The following CCDC138 variants were observed in gnomAD, a reference collection of about 807,000 sequenced individuals.
CCDC138 encodes the protein coiled-coil domain containing 138, also known as coiled-coil domain-containing protein 138.
CCDC138 carries 66 observed loss-of-function variants against 82.3 expected under a neutral mutation model. The ratio of observed to expected loss-of-function variants is 0.80; its 90% CI spans 0.66 to 0.98. The LOEUF is 0.98. Among genes scored for constraint, CCDC138 ranks in the 50% least tolerant of loss-of-function variants. CCDC138 has a pLI of 0.00. For synonymous variants in CCDC138, 297 were observed against 265.4 expected (o/e 1.12, Z -1.16); for missense variants, 816 against 758.9 (o/e 1.08, Z -0.88).
At chr2:108,846,050 A>G (rs1057497512) in intron 11 of CCDC138, among the ~76,000 whole-genome samples, 5 of 152,056 alleles carry the variant, frequency 3.3e-5, no homozygotes, top group African/African-American at 9.7e-5. Context: ...TGGAGTCACT[A>G]TGACTTTTTA....
intron 13 of CCDC138, among the ~76,000 whole-genome samples, chr2:108,864,801 A>AC (rs1277703477): frequency 6.6e-6 from 1 of 151,488 alleles, no homozygotes; most frequent in Non-Finnish European, 1.5e-5. Flanking sequence ...CTCAAAAAAA[A>AC]AAAAAAAAAA....
intron 13 of CCDC138, among the ~76,000 whole-genome samples, chr2:108,858,912 A>C (rs4011974): frequency 0.79 from 119,595 of 152,030 alleles, 47,832 homozygotes; most frequent in East Asian, 0.92. Flanking sequence ...TCTTTATCTG[A>C]TCCACCACTG....
chr2:108,878,191 T>C (rs1324081563), downstream of CCDC138: 1 of 152,116 alleles, frequency 6.6e-6, no homozygotes, highest in African/African-American at 2.4e-5. Context: ...ATTATAACTG[T>C]TTATAAGATG....
At chr2:108,851,006 G>C (rs886229095) in intron 12 of CCDC138, among the ~76,000 whole-genome samples, 1 of 152,186 alleles carries the variant, frequency 6.6e-6, no homozygotes, top group Non-Finnish European at 1.5e-5. Flanking sequence ...CACACCAGTT[G>C]CAAGTCCGGC....
At chr2:108,877,270 C>T (rs1284227938), downstream of CCDC138, among the ~76,000 whole-genome samples, 2 of 150,606 alleles carry the variant, frequency 1.3e-5, no homozygotes, top group East Asian at 4.0e-4. Flanking sequence ...GAGTTCAAGA[C>T]CAGCCTTGCC....
Position 108,786,808 on chromosome 2 carries a change from C to A in CCDC138, c.-15C>A, listed in dbSNP as rs780012510. The A allele has an allele frequency of 6.3e-7, 1 of 1,577,806 alleles. No individual in the cohort carries two copies. Among genetic ancestry groups the A allele is most frequent in the Non-Finnish European group, 8.6e-7 (1 of 1,161,792 alleles). ...AACGCGGTTCCCGGGGAGACTGGTA[C>A]GGTTGCTGTGTGCTATGGAGCCGAG... On this transcript the variant is annotated 5_prime_UTR_variant, in exon 1 of 15. Transcript: ENST00000295124.
At chr2:108,854,035 A>ATT (rs1558738601) in intron 12 of CCDC138, among the ~76,000 whole-genome samples, 2 of 108,710 alleles carry the variant, frequency 1.8e-5, no homozygotes, top group African/African-American at 8.2e-5. Flanking sequence ...TATATTATAT[A>ATT]TAATATATAA....
chr2:108,853,810 G>T (rs1276415228), intron 12 of CCDC138, among the ~76,000 whole-genome samples: 1 of 139,100 alleles, frequency 7.2e-6, no homozygotes, highest in African/African-American at 2.7e-5. Flanking sequence ...ACAGGCACCA[G>T]CCATCCCCAG....
chr2:108,817,446 C>A (rs1684980735), intron 10 of CCDC138, among the ~76,000 whole-genome samples: 1 of 152,064 alleles, frequency 6.6e-6, no homozygotes, highest in African/African-American at 2.4e-5. Flanking sequence ...GTGTGTGCCA[C>A]CACGCCCAGC....
chr2:108,873,650 C>G (rs569795975), intron 14 of CCDC138, 61 bp downstream of exon 14: 1 of 1,190,366 alleles, frequency 8.4e-7, no homozygotes, highest in South Asian at 1.5e-5. Context: ...ATCATTTAAA[C>G]CAGGGGTTTT....
chr2:108,792,619 G>C (rs760529029), intron 4 of CCDC138, among the ~76,000 whole-genome samples: 1 of 152,194 alleles, frequency 6.6e-6, no homozygotes, highest in Non-Finnish European at 1.5e-5. Flanking sequence ...GGCATTTGCT[G>C]AACTGAGTGA....
At position 108,816,087 on chromosome 2, in the gene CCDC138, T is replaced by C; in HGVS notation, c.1188T>C (p.Ile396=). The part of the protein sequence containing the change: ...QLKFASQRND[I]QEKCVKLLPL... ...AATTTGCTTCCCAGAGAAATGATAT[T>C]CAGGAGAAGTGTGTAAAGGTTTGTT... The change falls in exon 10 of 15, where the codon ATT becomes ATC. Residue 396 remains isoleucine, a synonymous_variant. Coordinates refer to ENST00000295124, the MANE Select transcript of CCDC138 (RefSeq NM_144978.3). 6.2e-7 allele frequency: 1 copy of C among 1,610,208 alleles called. No individual in the cohort carries two copies. Among genetic ancestry groups the C allele is most frequent in the Non-Finnish European group, 8.5e-7 (1 of 1,177,614 alleles).
chr2:108,884,310 A>G (rs1696372102), intron 2 of CCDC138: 1 of 152,206 alleles, frequency 6.6e-6, no homozygotes. Flanking sequence ...ATGTCAAAGA[A>G]AACAGGTAGA....
At chr2:108,864,070 T>TA (rs1299704760) in intron 13 of CCDC138, among the ~76,000 whole-genome samples, 1 of 152,186 alleles carries the variant, frequency 6.6e-6, no homozygotes, top group Non-Finnish European at 1.5e-5. Flanking sequence ...GATGATGTGT[T>TA]ACACTAGTGT....
intron 9 of CCDC138, among the ~76,000 whole-genome samples, chr2:108,815,276 A>T (rs1256968871): frequency 6.6e-6 from 1 of 152,050 alleles, no homozygotes; most frequent in East Asian, 1.9e-4. Context: ...GTGGTGATTC[A>T]TGCTCTTAAG....
In CCDC138 at chr2:108,812,718, C is replaced by G; in HGVS notation, c.933+10C>G. 1 of 1,606,218 alleles carries G rather than the reference C, an allele frequency of 6.2e-7. No individual in the cohort carries two copies. On this transcript the variant is annotated intron_variant, in intron 8 of 14. Coordinates refer to ENST00000295124, the MANE Select transcript of CCDC138 (RefSeq NM_144978.3). ...TTTAGATAATTTACAGGTAAGTTGC[C>G]TGTTCTTCTCTACAGACAGAAGTAT...
At chr2:108,879,738 G>T (rs1429059314), downstream of CCDC138, among the ~76,000 whole-genome samples, 1 of 152,112 alleles carries the variant, frequency 6.6e-6, no homozygotes, top group Non-Finnish European at 1.5e-5. Context: ...GAGTGACTAA[G>T]CCGCTATCAT....
At chr2:108,808,759 G>A (rs1683271462) in intron 7 of CCDC138, among the ~76,000 whole-genome samples, 1 of 152,006 alleles carries the variant, frequency 6.6e-6, no homozygotes, top group Non-Finnish European at 1.5e-5. Context: ...CACCCTAGTT[G>A]GATGAATAGT....
At chr2:108,790,978 T>C (rs1029082437) in intron 3 of CCDC138, among the ~76,000 whole-genome samples, 1 of 151,958 alleles carries the variant, frequency 6.6e-6, no homozygotes, top group African/African-American at 2.4e-5. Flanking sequence ...TCCAGGCTGA[T>C]CTTGAACTCC....
Sources: gnomAD v4.1 joint callset for allele counts (sites outside exome capture counted in the v4.1 genomes callset) on GRCh38, gnomAD v4.1.1 for gene constraint, MANE v1.5 for transcripts, NCBI Gene and HGNC (gene_info 2026-07-23, HGNC 2026-07-21) for gene names.